The following NUP58 variants were observed in gnomAD, a reference collection of about 807,000 sequenced individuals.
NUP58 encodes nucleoporin 58.
Under a neutral mutation model 70.1 loss-of-function variants are expected in NUP58, and 17 were observed. The observed-to-expected ratio is 0.24, with a 90% CI of 0.17 to 0.36. NUP58 has a LOEUF of 0.36. Ranked by LOEUF, NUP58 falls within the 10% of genes least tolerant of loss-of-function variation. The pLI is 1.00. For missense variants in NUP58, 644 were observed against 701.5 expected (o/e 0.92, Z 0.93); for synonymous variants, 275 against 257.6 (o/e 1.07, Z -0.65).
At chr13:25,343,321 A>G (rs902105437), downstream of NUP58, among the ~76,000 whole-genome samples, 1 of 151,062 alleles carries the variant, frequency 6.6e-6, no homozygotes, top group Non-Finnish European at 1.5e-5. Context: ...TTATTTATTT[A>G]TTTAAATTTA....
At chr13:25,348,185 T>G (rs2032071750) in intron 3 of NUP58, among the ~76,000 whole-genome samples, 2 of 152,218 alleles carry the variant, frequency 1.3e-5, no homozygotes, top group African/African-American at 4.8e-5. Flanking sequence ...GGGCGACATT[T>G]AAGTGTGTTT....
intron 13 of NUP58, chr13:25,335,044 A>G: frequency 1.0e-6 from 1 of 985,242 alleles, no homozygotes; most frequent in Non-Finnish European, 1.2e-6. Flanking sequence ...CCAGAGTGTA[A>G]TATATGCTAA....
intron 3 of NUP58, among the ~76,000 whole-genome samples, chr13:25,311,437 G>A (rs979290450): frequency 7.2e-5 from 11 of 152,038 alleles, no homozygotes; most frequent in Non-Finnish European, 1.3e-4. Context: ...GTGCAATGGC[G>A]TGATCTCAGC....
chr13:25,340,083 A>T lies in NUP58; in HGVS notation c.1749A>T (p.Gln583His), dbSNP rs79088640. Residue 583 changes from glutamine to histidine, a missense_variant, in exon 16 of 16, where the codon CAA becomes CAT. Physicochemically the swap from Gln to His is conservative, Grantham distance 24 (BLOSUM62 0). This residue lies in a region of NUP58 where 132 missense variants were observed against 203.9 expected (regional missense o/e 0.65). Coordinates refer to ENST00000381736, the MANE Select transcript of NUP58 (RefSeq NM_014089.4). Reference protein sequence around the residue: ...PASAGFGTGGQLLQLKKPPAG... With the variant: ...PASAGFGTGGHLLQLKKPPAG... Reference sequence around the variant, plus strand: ...CTGCAGGTTTTGGAACAGGAGGACAACTCCTTCAGTTGAAGAAACCTCCAG... The same window carrying T: ...CTGCAGGTTTTGGAACAGGAGGACATCTCCTTCAGTTGAAGAAACCTCCAG... 6.2e-7 allele frequency: 1 copy of T among 1,613,646 alleles called. No homozygotes were observed. The highest frequency in any genetic ancestry group is 2.2e-5 in the East Asian group (1 of 44,826).
downstream of NUP58, among the ~76,000 whole-genome samples, chr13:25,345,683 C>T (rs1025676036): frequency 2.6e-5 from 4 of 152,106 alleles, no homozygotes; most frequent in African/African-American, 9.7e-5. Context: ...AAAACCCTTC[C>T]TGGAAGGCTT....
intron 13 of NUP58, chr13:25,335,181 G>C (rs1332690976): frequency 2.0e-6 from 2 of 985,130 alleles, no homozygotes; most frequent in Admixed American, 6.2e-5. Flanking sequence ...AAAATATCAT[G>C]TATCTGATGT....
At chr13:25,310,260 G>T (rs1204451863) in intron 3 of NUP58, among the ~76,000 whole-genome samples, 1 of 113,372 alleles carries the variant, frequency 8.8e-6, no homozygotes, top group East Asian at 2.7e-4. Flanking sequence ...TGCTCTTGTT[G>T]CCCAGGCTGG....
chr13:25,318,012 C>G (rs576900406), intron 6 of NUP58, among the ~76,000 whole-genome samples: 173 of 152,114 alleles, frequency 1.1e-3, no homozygotes, highest in Non-Finnish European at 2.1e-3. Flanking sequence ...CACAAGTACG[C>G]AGCACCACGC....
intron 1 of NUP58, chr13:25,303,033 T>C (rs1356919927): frequency 4.4e-6 from 2 of 456,358 alleles, no homozygotes; most frequent in South Asian, 3.1e-5. Flanking sequence ...GCTCTCTTGA[T>C]CCTTACATTC....
At chr13:25,326,416 A>G (rs2031397263) in intron 10 of NUP58, among the ~76,000 whole-genome samples, 1 of 151,870 alleles carries the variant, frequency 6.6e-6, no homozygotes, top group South Asian at 2.1e-4. Context: ...TGCTTTCTGT[A>G]GTATACTATG....
intron 5 of NUP58, among the ~76,000 whole-genome samples, chr13:25,314,978 A>G (rs1407203633): frequency 6.6e-6 from 1 of 152,230 alleles, no homozygotes; most frequent in African/African-American, 2.4e-5. Flanking sequence ...ATGTAGTTCC[A>G]AAGTGTGTTT....
intron 12 of NUP58, among the ~76,000 whole-genome samples, 153 bp downstream of exon 12, chr13:25,327,665 A>G (rs967365078): frequency 6.6e-6 from 1 of 152,264 alleles, no homozygotes; most frequent in African/African-American, 2.4e-5. Context: ...ATACCCAGAC[A>G]TAACGATTGA....
chr13:25,306,989 T>C (rs1405250959), intron 1 of NUP58, among the ~76,000 whole-genome samples: 1 of 152,152 alleles, frequency 6.6e-6, no homozygotes, highest in Non-Finnish European at 1.5e-5. Flanking sequence ...GTAAAATACC[T>C]AAGTCTATAC....
chr13:25,310,092 G>A, intron 3 of NUP58: 1 of 312,564 alleles, frequency 3.2e-6, no homozygotes, highest in South Asian at 2.6e-5. Context: ...GCCCAGGCTG[G>A]AGTGCAGTGG....
chr13:25,332,694 A>G, intron 13 of NUP58: 1 of 985,460 alleles, frequency 1.0e-6, no homozygotes, highest in Non-Finnish European at 1.2e-6. Context: ...GATTTATGCC[A>G]AATCCTCCAT....
chr13:25,319,463 T>C (rs1301710216), intron 7 of NUP58, 113 bp downstream of exon 7: 1 of 869,118 alleles, frequency 1.2e-6, no homozygotes, highest in Non-Finnish European at 1.8e-6. Flanking sequence ...GAGAAAAAAC[T>C]TTTTTGTAAT....
intron 7 of NUP58, among the ~76,000 whole-genome samples, chr13:25,319,959 C>T (rs139043005): frequency 6.6e-6 from 1 of 152,092 alleles, no homozygotes; most frequent in African/African-American, 2.4e-5. Flanking sequence ...AAATCTAACT[C>T]ATGATTCCAT....
At chr13:25,311,079 CA>C (rs2030642082) in intron 3 of NUP58, among the ~76,000 whole-genome samples, 1 of 152,152 alleles carries the variant, frequency 6.6e-6, no homozygotes, top group Non-Finnish European at 1.5e-5. Flanking sequence ...AGGAAGAAAA[CA>C]GTATGGTTTA....
At chr13:25,344,541 G>A (rs929235187), downstream of NUP58, among the ~76,000 whole-genome samples, 1 of 152,166 alleles carries the variant, frequency 6.6e-6, no homozygotes, top group Non-Finnish European at 1.5e-5. Context: ...TTTGTGTGGG[G>A]AGGCTATTCT....
Sources: allele counts gnomAD v4.1 joint callset (sites outside exome capture counted in the v4.1 genomes callset), GRCh38; gene constraint gnomAD v4.1.1; regional missense constraint gnomAD v4.1.1; transcripts MANE v1.5; gene names NCBI Gene and HGNC (gene_info 2026-07-23, HGNC 2026-07-21).